ARHGAP45: variants seen among roughly 807,000 people sequenced by gnomAD.
ARHGAP45 encodes the protein rho GTPase-activating protein 45.
Under a neutral mutation model 116.1 loss-of-function variants are expected in ARHGAP45, and 56 were observed. The ratio of observed to expected loss-of-function variants is 0.48; its 90% CI spans 0.39 to 0.60. The LOEUF is 0.60. Among genes scored for constraint, ARHGAP45 ranks in the 20% least tolerant of loss-of-function variants. ARHGAP45 has a pLI of 0.00. For missense variants in ARHGAP45, 1,622 were observed against 1,601.0 expected (o/e 1.01, Z -0.22); for synonymous variants, 866 against 701.7 (o/e 1.23, Z -3.70).
chr19:1,081,973 CG>C lies in ARHGAP45; in HGVS notation c.2517+14del. ...TCTACCTGCGTCAGGTGAGACCCAC[CG>C]GTGGTGGCCAGGCAGAGCCTGGAAG... On this transcript the variant is annotated intron_variant, in intron 19 of 22. Coordinates refer to ENST00000313093, the MANE Select transcript of ARHGAP45 (RefSeq NM_012292.5). The C allele has an allele frequency of 6.3e-7, 1 of 1,599,712 alleles. No homozygotes were observed. Among genetic ancestry groups the C allele is most frequent in the Non-Finnish European group, 8.5e-7 (1 of 1,172,528 alleles).
In ARHGAP45 at chr19:1,077,485, G is replaced by A. The variant is rs961384820; in HGVS notation, c.1186-372G>A. 82 of 993,768 alleles carry A rather than the reference G, an allele frequency of 8.3e-5. 2 individuals are homozygous for A. In the South Asian group the frequency reaches 1.6e-3, roughly 20 times the overall value. 61.6% of individuals were successfully genotyped at this position (993,768 alleles called of 1,614,324 possible). On this transcript the variant is annotated intron_variant, in intron 10 of 22. Transcript: ENST00000313093. Reference sequence around the variant, plus strand: ...TTCGCCTCCTGGGTTCAAGCTGTTCGCGATTCTAGTGCCTCAGCCTCCCGA... The same window carrying A: ...TTCGCCTCCTGGGTTCAAGCTGTTCACGATTCTAGTGCCTCAGCCTCCCGA...
intron 8 of ARHGAP45, 56 bp downstream of exon 8, chr19:1,074,463 C>T (rs1346604086): frequency 1.4e-6 from 2 of 1,449,392 alleles, no homozygotes; most frequent in Non-Finnish European, 1.8e-6. Context: ...TGAGTCTCAG[C>T]CCCATTTCAA....
chr19:1,067,534 G>A (rs1452161277), intron 1 of ARHGAP45, 39 bp downstream of exon 1: 2 of 1,537,974 alleles, frequency 1.3e-6, no homozygotes, highest in Admixed American at 2.0e-5. Context: ...CTGACGCCGG[G>A]CCGCAGGGGG....
At chr19:1,077,121 T>G in intron 10 of ARHGAP45, 3 of 985,350 alleles carry the variant, frequency 3.0e-6, no homozygotes, top group Non-Finnish European at 3.6e-6. Flanking sequence ...GGTTTTTGAC[T>G]AAGTGCTCTT....
At chr19:1,070,510 C>CTT (rs35544064) in intron 2 of ARHGAP45, among the ~76,000 whole-genome samples, 18 of 133,300 alleles carry the variant, frequency 1.4e-4, no homozygotes, top group South Asian at 9.5e-4. Context: ...TTTTTTCTTT[C>CTT]TTTTTTTTTT....
chr19:1,085,716 C>T lies in ARHGAP45; in HGVS notation c.3121C>T (p.Leu1041=). Residue 1041 remains leucine (L), a synonymous_variant, in exon 23 of 23, where the codon CTG becomes TTG. Coordinates refer to ENST00000313093, the MANE Select transcript of ARHGAP45 (RefSeq NM_012292.5). ...DSDLEEASEL[L]SSSEASALGH... ...GGACCTAGAGGAGGCCTCCGAGCTG[C>T]TGTCCTCATCGGAGGCCAGTGCCCT... 6.2e-7 allele frequency: 1 copy of T among 1,610,290 alleles called. No homozygotes were observed. The highest frequency in any genetic ancestry group is 1.3e-5 in the African/African-American group (1 of 74,844).
In ARHGAP45 at chr19:1,068,573, T is replaced by C. The variant is rs1273465075; in HGVS notation, c.250T>C (p.Ser84Pro). 1 of 1,610,390 alleles carries C rather than the reference T, an allele frequency of 6.2e-7. No homozygotes were observed. Among genetic ancestry groups the C allele is most frequent in the Non-Finnish European group, 8.5e-7 (1 of 1,178,748 alleles). The change falls in exon 2 of 23, where the codon TCC (serine) becomes CCC (proline). Residue 84 changes from serine (S) to proline (P), a missense_variant. Ser to Pro is a moderately conservative substitution (Grantham distance 74, BLOSUM62 -1). This residue lies in a region of ARHGAP45 where 279 missense variants were observed against 311.9 expected (regional missense o/e 0.89). Transcript: ENST00000313093. The surrounding 1 kb of genome is among the most constrained non-coding windows in gnomAD (Gnocchi z 7.5). ...AAGFPLSGAA[S>P]WTLGRSHRSP... ...TGGCTTCCCCCTGTCGGGTGCTGCC[T>C]CCTGGACACTGGGCCGGAGCCACCG... is the stretch of plus-strand genomic sequence containing the variant.
chr19:1,068,419 GC>G lies in ARHGAP45; in HGVS notation c.99del (p.Arg34GlyfsTer35). ...SPSPQPSGEL[P>X]RKDGADAVFP... ...TCCCCTCGGACCTGCCCAAGGAGCT[GC>G]CCAGGAAGGATGGGGCTGACGCGGT... On this transcript the variant is annotated frameshift_variant, in exon 2 of 23. Coordinates refer to ENST00000313093, the MANE Select transcript of ARHGAP45 (RefSeq NM_012292.5). LOFTEE classifies it high-confidence loss of function. This position sits in a 1 kb window ranked among gnomAD's most constrained non-coding sequence, Gnocchi z 7.5. The G allele has an allele frequency of 6.4e-7, 1 of 1,564,162 alleles. No individual in the cohort carries two copies. The highest frequency in any genetic ancestry group is 8.7e-7 in the Non-Finnish European group (1 of 1,154,412).
intron 10 of ARHGAP45, 100 bp downstream of exon 10, chr19:1,074,979 C>T: frequency 1.0e-6 from 1 of 1,000,736 alleles, no homozygotes; most frequent in Non-Finnish European, 1.3e-6. Context: ...CGGCGAGCTC[C>T]GCACACGCCC....
Position 1,074,133 on chromosome 19 carries a change from C to T in ARHGAP45, c.820C>T (p.Leu274=). The T allele has an allele frequency of 6.2e-7, 1 of 1,613,204 alleles. No individual in the cohort carries two copies. Among genetic ancestry groups the T allele is most frequent in the Non-Finnish European group, 8.5e-7 (1 of 1,179,886 alleles). Residue 274 remains leucine, a synonymous_variant, in exon 7 of 23, where the codon CTG becomes TTG. Transcript: ENST00000313093. ...GCLPAEEVDV[L]LQRCEGGVDA... ...CCTGCCCGCCGAGGAGGTGGACGTG[C>T]TGCTACAGCGCTGTGAGGGGGGCGT...
Position 1,084,337 on chromosome 19 carries a change from G to A in ARHGAP45, c.3055G>A (p.Gly1019Arg), listed in dbSNP as rs112975635. Residue 1019 changes from glycine (G) to arginine (R), a missense_variant, in exon 22 of 23, where the codon GGG becomes AGG. Coordinates refer to ENST00000313093, the MANE Select transcript of ARHGAP45 (RefSeq NM_012292.5). ...VYPLQEAAAD[G>R]CRESRVVSND... is the part of the protein sequence containing the mutation. ...CCCGCTGCAGGAGGCGGCGGCGGAC[G>A]GGTGCAGAGGTGAGTGTGTGGCTGC... 3.1e-4 allele frequency: 498 copies of A among 1,607,796 alleles called. 3 individuals carry two copies. The African/African-American group carries it at 5.4e-3, about 17-fold the overall frequency.
Position 1,068,763 on chromosome 19 carries a change from C to A in ARHGAP45, c.421+19C>A, listed in dbSNP as rs2043086735. Reference sequence around the variant, plus strand: ...CGTGACGGTGAGAGCCACGGGGACACCGAGGCCTGGGTGGAAGACAGAGCC... The same window carrying A: ...CGTGACGGTGAGAGCCACGGGGACAACGAGGCCTGGGTGGAAGACAGAGCC... On this transcript the variant is annotated intron_variant, in intron 2 of 22. Coordinates refer to ENST00000313093, the MANE Select transcript of ARHGAP45 (RefSeq NM_012292.5). This position sits in a 1 kb window ranked among gnomAD's most constrained non-coding sequence, Gnocchi z 7.5. 2 of 1,604,888 alleles carry A rather than the reference C, an allele frequency of 1.2e-6. No homozygotes were observed. The highest frequency in any genetic ancestry group is 4.5e-5 in the East Asian group (2 of 44,662).
rs1243060934 is a variant in ARHGAP45, at chr19:1,074,814, C to T, written c.1120C>T (p.Arg374Trp). 6.8e-7 allele frequency: 1 copy of T among 1,479,322 alleles called. No homozygotes were observed. The highest frequency in any genetic ancestry group is 1.1e-5 in the South Asian group (1 of 87,690). The allele number at this position is 1,479,322 out of a possible 1,614,324, so 91.6% of individuals were successfully genotyped here. Residue 374 changes from arginine to tryptophan, a missense_variant, in exon 10 of 23, where the codon CGG (arginine) becomes TGG (tryptophan). Transcript: ENST00000313093. ...QTFMQPLTLRRLEHEKRRKEI... is the reference protein window; with the variant it reads ...QTFMQPLTLRWLEHEKRRKEI... ...CTCGCCCCAGCCCCTGACCCTGCGG[C>T]GGCTTGAACACGAGAAGCGCAGGAA...
upstream of ARHGAP45, chr19:1,066,093 G>A: frequency 1.3e-6 from 2 of 1,535,730 alleles, no homozygotes; most frequent in Non-Finnish European, 1.7e-6. Context: ...TGGGCCTGGA[G>A]AGCCAGACTT....
Position 1,080,275 on chromosome 19 carries a change from G to A in ARHGAP45, c.1724G>A (p.Arg575Gln), listed in dbSNP as rs1286260881. ...ANAWSPVMRA[R>Q]KSSFNVSDVA... ...ACTAGGTCCCCCGTCATGCGTGCCCGGAAGAGCAGCTTCAACGTGAGTGAT... is the reference window on the plus strand; with the variant it reads ...ACTAGGTCCCCCGTCATGCGTGCCCAGAAGAGCAGCTTCAACGTGAGTGAT... The change falls in exon 14 of 23, where the codon CGG (arginine) becomes CAG (glutamine). Residue 575 changes from arginine to glutamine, a missense_variant. Arg to Gln is a conservative substitution (Grantham distance 43). Transcript: ENST00000313093. 3.1e-6 allele frequency: 5 copies of A among 1,612,600 alleles called. No individual in the cohort carries two copies. Among genetic ancestry groups the A allele is most frequent in the East Asian group, 4.5e-5 (2 of 44,874 alleles).
chr19:1,082,474 A>C, intron 19 of ARHGAP45: 2 of 300,712 alleles, frequency 6.7e-6, no homozygotes, highest in Non-Finnish European at 6.1e-6. Context: ...GACTGGGGCT[A>C]GGGGCGTGGT....
At chr19:1,067,993 T>C (rs934941928) in intron 1 of ARHGAP45, among the ~76,000 whole-genome samples, 3 of 151,130 alleles carry the variant, frequency 2.0e-5, no homozygotes, top group Non-Finnish European at 4.4e-5. Context: ...CCGGGATGTC[T>C]ACAAGGCCTG....
At position 1,067,400 on chromosome 19, in the gene ARHGAP45, C is replaced by A; in HGVS notation, c.-6C>A. On this transcript the variant is annotated 5_prime_UTR_variant, in exon 1 of 23. Transcript: ENST00000313093. ...GCCCCCTCGGGCTCCCGGCCGGGGCCCCATCATGTTCTCCAGGAAGAAACG... is the reference window on the plus strand; with the variant it reads ...GCCCCCTCGGGCTCCCGGCCGGGGCACCATCATGTTCTCCAGGAAGAAACG... 6.4e-7 allele frequency: 1 copy of A among 1,573,834 alleles called. No homozygotes were observed. Among genetic ancestry groups the A allele is most frequent in the East Asian group, 2.3e-5 (1 of 42,832 alleles).
chr19:1,074,485 C>G, intron 8 of ARHGAP45, 78 bp downstream of exon 8: 1 of 1,419,088 alleles, frequency 7.0e-7, no homozygotes, highest in Admixed American at 2.7e-5. Context: ...GGCCCAGGGA[C>G]CAAGAGCAGG....
Sources: allele counts gnomAD v4.1 joint callset (sites outside exome capture counted in the v4.1 genomes callset), GRCh38; gene constraint gnomAD v4.1.1; regional missense constraint gnomAD v4.1.1; non-coding constraint Gnocchi (gnomAD v3.1); transcripts MANE v1.5; gene names NCBI Gene and HGNC (gene_info 2026-07-23, HGNC 2026-07-21).